The following NKAIN3 variants were observed in gnomAD, a reference collection of about 807,000 sequenced individuals.
NKAIN3 encodes sodium/potassium transporting ATPase interacting 3.
Under a neutral mutation model 30.2 loss-of-function variants are expected in NKAIN3, and 25 were observed. The observed-to-expected ratio is 0.83, with a 90% confidence interval of 0.60 to 1.16. The LOEUF is 1.16. Ranked by LOEUF, NKAIN3 falls within the 50% of genes most tolerant of loss-of-function variation. The pLI, the probability that NKAIN3 is intolerant of heterozygous loss-of-function variation, is 0.00. For missense variants in NKAIN3, 225 were observed against 254.1 expected, an observed-to-expected ratio of 0.89 and a Z score of 0.78; for synonymous variants, 91 against 89.6, an observed-to-expected ratio of 1.02 and a Z score of -0.09.
At chr8:62,785,616 A>C (rs1288845729) in intron 4 of NKAIN3, among the ~76,000 whole-genome samples, 1 of 152,182 alleles carries the variant, frequency 6.6e-6, no homozygotes, top group Non-Finnish European at 1.5e-5. Flanking sequence ...AACTGGTTTT[A>C]AAAAGTTTTA....
At chr8:62,861,816 C>A (rs74728807) in intron 4 of NKAIN3, among the ~76,000 whole-genome samples, 2,039 of 152,310 alleles carry the variant, frequency 0.013, 53 homozygotes, top group African/African-American at 0.047. Flanking sequence ...GGATGCACAT[C>A]TGTGCAAAGA....
chr8:62,250,169 A>G (rs1489439306), intron 1 of NKAIN3, among the ~76,000 whole-genome samples: 2 of 152,216 alleles, frequency 1.3e-5, no homozygotes, highest in Non-Finnish European at 2.9e-5. Flanking sequence ...ATCCCTTGCA[A>G]GACTTATTAA....
chr8:62,372,447 A>G (rs2129593376), intron 1 of NKAIN3, among the ~76,000 whole-genome samples: 1 of 152,046 alleles, frequency 6.6e-6, no homozygotes, highest in Admixed American at 6.5e-5. Context: ...CTGAAAAAAT[A>G]TATGGTATTC....
intron 5 of NKAIN3, among the ~76,000 whole-genome samples, chr8:62,944,367 T>A (rs1823064584): frequency 1.3e-5 from 2 of 152,184 alleles, no homozygotes; most frequent in Non-Finnish European, 2.9e-5. Context: ...TCTTCAAGAT[T>A]GTCTTAACTA....
chr8:62,293,985 A>G (rs1457916764), intron 1 of NKAIN3, among the ~76,000 whole-genome samples: 1 of 152,048 alleles, frequency 6.6e-6, no homozygotes, highest in Admixed American at 6.6e-5. Flanking sequence ...TCCATCTCAG[A>G]CTGCTGTGCT....
chr8:62,270,111 C>G (rs1441441394), intron 1 of NKAIN3, among the ~76,000 whole-genome samples: 1 of 152,006 alleles, frequency 6.6e-6, no homozygotes, highest in Non-Finnish European at 1.5e-5. Context: ...GAGAGAGGGT[C>G]TCACTCTGTC....
At chr8:62,861,478 T>C (rs1044220435) in intron 4 of NKAIN3, among the ~76,000 whole-genome samples, 2 of 152,224 alleles carry the variant, frequency 1.3e-5, no homozygotes, top group African/African-American at 4.8e-5. Flanking sequence ...TTGAAATCAC[T>C]GAAAGCCAAG....
chr8:62,571,919 G>A (rs1027404599), intron 1 of NKAIN3, among the ~76,000 whole-genome samples: 10 of 152,082 alleles, frequency 6.6e-5, no homozygotes, highest in African/African-American at 2.2e-4. Flanking sequence ...TAGGCCTCCA[G>A]GCCTGTGATT....
chr8:62,434,223 G>A (rs1163984357), intron 1 of NKAIN3, among the ~76,000 whole-genome samples: 1 of 152,120 alleles, frequency 6.6e-6, no homozygotes, highest in Admixed American at 6.6e-5. Context: ...GTTGTCCTTC[G>A]GGAGGTAGCA....
chr8:62,346,741 TCAC>T lies in NKAIN3; in HGVS notation c.54+97618_54+97620del, dbSNP rs770823091. 3.3e-5 allele frequency among the ~76,000 whole-genome samples: 5 copies of T among 152,198 alleles called. No individual in the cohort carries two copies. In the South Asian group the frequency reaches 6.2e-4, roughly 19 times the overall value. On this transcript the variant is annotated intron_variant, in intron 1 of 6. Transcript: ENST00000623646. The stretch of plus-strand genomic sequence containing the variant: ...AGTCCAGTTATTCTACATTAGTAAT[TCAC>T]CACAGAACCATCAGGGTTACTGCAA...
intron 4 of NKAIN3, among the ~76,000 whole-genome samples, chr8:62,799,808 T>A (rs1301324365): frequency 6.6e-6 from 1 of 152,072 alleles, no homozygotes; most frequent in Non-Finnish European, 1.5e-5. Flanking sequence ...TGCCCATCAA[T>A]CCACCAACGA....
At chr8:62,638,350 T>C (rs183580755) in intron 3 of NKAIN3, among the ~76,000 whole-genome samples, 2 of 152,166 alleles carry the variant, frequency 1.3e-5, no homozygotes, top group Non-Finnish European at 2.9e-5. Flanking sequence ...ATCTGAGAAG[T>C]ACATTCTACA....
intron 3 of NKAIN3, among the ~76,000 whole-genome samples, chr8:62,617,181 T>C (rs1377608988): frequency 6.6e-6 from 1 of 152,174 alleles, no homozygotes; most frequent in Non-Finnish European, 1.5e-5. Flanking sequence ...TGTGAGCCAA[T>C]TAAACCTATT....
chr8:62,445,665 A>G (rs934457550), intron 1 of NKAIN3, among the ~76,000 whole-genome samples: 1 of 152,126 alleles, frequency 6.6e-6, no homozygotes, highest in African/African-American at 2.4e-5. Flanking sequence ...AGAGATGGTG[A>G]GAGTTTCATT....
intron 4 of NKAIN3, among the ~76,000 whole-genome samples, chr8:62,837,233 C>A (rs1819391325): frequency 6.6e-6 from 1 of 152,064 alleles, no homozygotes; most frequent in Admixed American, 6.6e-5. Context: ...TTGATTGATT[C>A]TATGTATCTT....
chr8:62,662,727 T>C (rs1432395212), intron 3 of NKAIN3, among the ~76,000 whole-genome samples: 1 of 152,198 alleles, frequency 6.6e-6, no homozygotes, highest in African/African-American at 2.4e-5. Context: ...AGTAGATTAG[T>C]TGGTTGATGT....
intron 3 of NKAIN3, among the ~76,000 whole-genome samples, chr8:62,691,885 C>A (rs1003597915): frequency 2.6e-5 from 4 of 152,096 alleles, no homozygotes; most frequent in African/African-American, 9.7e-5. Flanking sequence ...GCTCATGAAT[C>A]GAAGAGCAAG....
chr8:62,735,087 A>C (rs1159211994), intron 3 of NKAIN3, among the ~76,000 whole-genome samples: 1 of 152,160 alleles, frequency 6.6e-6, no homozygotes, highest in Admixed American at 6.5e-5. Context: ...CTAGGTGATT[A>C]TCTTTTTGTG....
intron 3 of NKAIN3, among the ~76,000 whole-genome samples, chr8:62,699,631 T>C (rs1814268951): frequency 1.3e-5 from 2 of 152,226 alleles, no homozygotes; most frequent in Non-Finnish European, 2.9e-5. Context: ...CCATGGTTTA[T>C]TCATGCTTGT....
Sources: allele counts gnomAD v4.1 joint callset (sites outside exome capture counted in the v4.1 genomes callset), GRCh38; gene constraint gnomAD v4.1.1; transcripts MANE v1.5; gene names NCBI Gene and HGNC (gene_info 2026-07-23, HGNC 2026-07-21).